VWF: variants seen among roughly 807,000 people sequenced by gnomAD.
VWF encodes Factor VIII related antigen.
A neutral mutation model predicts 308.6 loss-of-function variants in VWF; 176 were observed. That is an observed-to-expected ratio of 0.57 (90% CI 0.50 to 0.65). The LOEUF is 0.65. Among genes scored for constraint, VWF ranks in the 30% least tolerant of loss-of-function variants. VWF has a pLI of 0.00. For missense variants in VWF, 3,146 were observed against 3,648.2 expected (o/e 0.86, Z 3.55); for synonymous variants, 1,385 against 1,443.4 (o/e 0.96, Z 0.92).
Position 6,075,333 on chromosome 12 carries a change from A to G in VWF, c.874+2T>C, listed in dbSNP as rs1944829900. 3 of 1,613,796 alleles carry G rather than the reference A, an allele frequency of 1.9e-6. No homozygotes were observed. On this transcript the variant is annotated splice_donor_variant, in intron 7 of 51. Coordinates refer to ENST00000261405, the MANE Select transcript of VWF (RefSeq NM_000552.5). LOFTEE classifies it high-confidence loss of function. The surrounding 1 kb of genome is among the most constrained non-coding windows in gnomAD (Gnocchi z 4.7). ...GCAGGACGGGGCAGGGGGCCGACTT[A>G]CTGCACGCGCTGTGGTCGGTCCAGC... is the stretch of plus-strand genomic sequence containing the variant.
intron 47 of VWF, among the ~76,000 whole-genome samples, chr12:5,962,828 C>T (rs1477719189): frequency 6.6e-6 from 1 of 152,268 alleles, no homozygotes; most frequent in Non-Finnish European, 1.5e-5. Flanking sequence ...GGATTACAGG[C>T]GTGAGCCAGC....
Position 6,019,784 on chromosome 12 carries a change from A to G in VWF, c.3675-41T>C, listed in dbSNP as rs1944110404. The G allele has an allele frequency of 6.4e-7, 1 of 1,569,406 alleles. No homozygotes were observed. On this transcript the variant is annotated intron_variant, in intron 27 of 51. Coordinates refer to ENST00000261405, the MANE Select transcript of VWF (RefSeq NM_000552.5). The surrounding 1 kb of genome is among the most constrained non-coding windows in gnomAD (Gnocchi z 5.8). Reference sequence around the variant, plus strand: ...AAGAAATTAAAATGGTTCAGGAAGAACCTGTGGACACTTCTGAGCCCTACA... The same window carrying G: ...AAGAAATTAAAATGGTTCAGGAAGAGCCTGTGGACACTTCTGAGCCCTACA...
intron 11 of VWF, 95 bp downstream of exon 11, chr12:6,065,042 A>G: frequency 6.4e-7 from 1 of 1,572,242 alleles, no homozygotes; most frequent in Non-Finnish European, 8.7e-7. Context: ...ACAGAAAGCA[A>G]TGCCCCACGC....
At chr12:6,121,848 T>G (rs1256837182) in intron 2 of VWF, among the ~76,000 whole-genome samples, 1 of 151,888 alleles carries the variant, frequency 6.6e-6, no homozygotes, top group East Asian at 1.9e-4. Flanking sequence ...GGAGAATCAC[T>G]TGAGCCCAGG....
intron 40 of VWF, 127 bp downstream of exon 40, chr12:5,984,918 C>G (rs755975314): frequency 1.0e-6 from 1 of 990,570 alleles, no homozygotes; most frequent in African/African-American, 1.6e-5. Flanking sequence ...AGTATCCAGT[C>G]GGTCCTTACC....
At chr12:6,101,228 A>G (rs1945158252) in intron 5 of VWF, among the ~76,000 whole-genome samples, 1 of 152,186 alleles carries the variant, frequency 6.6e-6, no homozygotes, top group African/African-American at 2.4e-5. Context: ...CCCCTTCTCC[A>G]GGAAAAAAGC....
rs1364657523 is a variant in VWF at position 6,063,278 on chromosome 12, A to AC, written c.1433-225dup. Among the ~76,000 whole-genome samples the AC allele has an allele frequency of 6.6e-6, 1 of 151,910 alleles. No homozygotes were observed. On this transcript the variant is annotated intron_variant, in intron 12 of 51. Coordinates refer to ENST00000261405, the MANE Select transcript of VWF (RefSeq NM_000552.5). This position sits in a 1 kb window ranked among gnomAD's most constrained non-coding sequence, Gnocchi z 4.9. ...GGGTCCCCCAGGAAGAAGCCTCTGCACCCCCCGCTATGACCTGCCATTCCC... is the reference window on the plus strand; with the variant it reads ...GGGTCCCCCAGGAAGAAGCCTCTGCACCCCCCCGCTATGACCTGCCATTCCC...
intron 34 of VWF, among the ~76,000 whole-genome samples, chr12:6,007,621 TCAAA>T (rs2136399581): frequency 6.6e-6 from 1 of 152,118 alleles, no homozygotes; most frequent in African/African-American, 2.4e-5. Context: ...AAGAAAGATC[TCAAA>T]CAAATAACCT....
intron 10 of VWF, among the ~76,000 whole-genome samples, chr12:6,068,317 A>G (rs1214119731): frequency 6.6e-6 from 1 of 151,820 alleles, no homozygotes; most frequent in Non-Finnish European, 1.5e-5. Flanking sequence ...GCTCCAGACC[A>G]TTTGTTTCCC....
intron 34 of VWF, among the ~76,000 whole-genome samples, chr12:5,997,875 T>C (rs1943823344): frequency 6.6e-6 from 1 of 152,220 alleles, no homozygotes; most frequent in African/African-American, 2.4e-5. Flanking sequence ...TAGAGAAAGT[T>C]AGGCCGAACC....
intron 47 of VWF, among the ~76,000 whole-genome samples, chr12:5,954,686 A>G (rs144542278): frequency 1.6e-3 from 247 of 152,366 alleles, no homozygotes; most frequent in Middle Eastern, 0.01. Context: ...TCTTTGGTTG[A>G]TCCCTTAATT....
intron 34 of VWF, among the ~76,000 whole-genome samples, chr12:6,006,962 C>G (rs1178110028): frequency 6.6e-6 from 1 of 152,132 alleles, no homozygotes; most frequent in Non-Finnish European, 1.5e-5. Flanking sequence ...AGAAATTAAA[C>G]TTCAAGTCAA....
At chr12:6,057,484 TTATTA>T (rs1221876812) in intron 14 of VWF, among the ~76,000 whole-genome samples, 47 of 49,858 alleles carry the variant, frequency 9.4e-4, no homozygotes, top group African/African-American at 1.5e-3. Flanking sequence ...GGCAAATTTA[TTATTA>T]TTATTATTAT....
Position 6,024,945 on chromosome 12 carries a change from C to T in VWF, c.3222+635G>A, listed in dbSNP as rs535502609. On this transcript the variant is annotated intron_variant, in intron 24 of 51. Coordinates refer to ENST00000261405, the MANE Select transcript of VWF (RefSeq NM_000552.5). This position sits in a 1 kb window ranked among gnomAD's most constrained non-coding sequence, Gnocchi z 4.0. The stretch of plus-strand genomic sequence containing the variant: ...GGTTGAGGCAGGAGAATCGCTTGAG[C>T]CCAGGAGGCAGAGGCTGCACTAAGC... 7.4e-4 allele frequency among the ~76,000 whole-genome samples: 113 copies of T among 151,742 alleles called. No individual in the cohort carries two copies. The highest frequency in any genetic ancestry group is 5.9e-3 in the Admixed American group (90 of 15,222).
chr12:6,023,505 C>T (rs117731790), intron 25 of VWF, 126 bp downstream of exon 25: 23,147 of 1,413,798 alleles, frequency 0.016, 222 homozygotes, highest in Non-Finnish European at 0.019. Flanking sequence ...CTTGGCCATC[C>T]AGTCCCTACT....
At chr12:6,054,539 A>T (rs7954351) in intron 15 of VWF, among the ~76,000 whole-genome samples, 51,920 of 152,088 alleles carry the variant, frequency 0.34, 10,299 homozygotes, top group African/African-American at 0.54. Flanking sequence ...AACAATGCAC[A>T]TCTCAGTTTA....
At chr12:6,093,548 T>TC (rs1163706111) in intron 6 of VWF, among the ~76,000 whole-genome samples, 1 of 152,070 alleles carries the variant, frequency 6.6e-6, no homozygotes, top group Admixed American at 6.6e-5. Flanking sequence ...CATACAAACG[T>TC]CCCGCCCAGG....
intron 5 of VWF, among the ~76,000 whole-genome samples, chr12:6,103,408 A>G (rs891723738): frequency 2.5e-5 from 3 of 122,192 alleles, no homozygotes; most frequent in Admixed American, 7.7e-5. Context: ...ACGTGTGTGT[A>G]TACACACGTG....
intron 3 of VWF, among the ~76,000 whole-genome samples, chr12:6,119,618 G>T (rs1945408466): frequency 6.6e-6 from 1 of 152,178 alleles, no homozygotes; most frequent in African/African-American, 2.4e-5. Context: ...GGCTGAGGCG[G>T]GTGGATCACC....
Sources: allele counts gnomAD v4.1 joint callset (sites outside exome capture counted in the v4.1 genomes callset), GRCh38; gene constraint gnomAD v4.1.1; non-coding constraint Gnocchi (gnomAD v3.1); transcripts MANE v1.5; gene names NCBI Gene and HGNC (gene_info 2026-07-23, HGNC 2026-07-21).